The following CDH9 variants were observed in gnomAD, a reference collection of about 807,000 sequenced individuals.
The protein encoded by CDH9 is cadherin-9.
In CDH9, 28 loss-of-function variants were observed where a neutral mutation model predicts 70.9. The ratio of observed to expected loss-of-function variants is 0.40; its 90% CI spans 0.29 to 0.54. CDH9 has a LOEUF of 0.54. Among genes scored for constraint, CDH9 ranks in the 20% least tolerant of loss-of-function variants. The pLI is 0.59. For missense variants in CDH9, 874 were observed against 984.4 expected (o/e 0.89, Z 1.50); for synonymous variants, 409 against 343.1 (o/e 1.19, Z -2.12).
intron 1 of CDH9, among the ~76,000 whole-genome samples, chr5:27,001,221 C>A (rs1319220961): frequency 6.6e-6 from 1 of 152,002 alleles, no homozygotes; most frequent in African/African-American, 2.4e-5. Flanking sequence ...TATGAAACAA[C>A]CTCAGTGAAG....
rs1259636127 is a variant in CDH9, at chr5:26,924,273, T to C, written c.229-8349A>G. Among the ~76,000 whole-genome samples the C allele has an allele frequency of 2.0e-5, 3 of 151,924 alleles. No individual in the cohort carries two copies. In the East Asian group the frequency reaches 5.8e-4, roughly 29 times the overall value. ...ATTACAGGTTCTAAGAGCAATTATG[T>C]GCCAATAAATTGGAAAACCTAGAAG... On this transcript the variant is annotated intron_variant, in intron 2 of 11. Coordinates refer to ENST00000231021, the MANE Select transcript of CDH9 (RefSeq NM_016279.4).
chr5:27,016,563 A>G (rs1055738840), intron 1 of CDH9, among the ~76,000 whole-genome samples: 2 of 151,860 alleles, frequency 1.3e-5, no homozygotes, highest in Non-Finnish European at 2.9e-5. Flanking sequence ...TCAGAATCTG[A>G]GAATTTAGTT....
chr5:27,012,536 A>G (rs1017323197), intron 1 of CDH9, among the ~76,000 whole-genome samples: 3 of 152,042 alleles, frequency 2.0e-5, no homozygotes, highest in Non-Finnish European at 4.4e-5. Context: ...AAATGTTACT[A>G]TAGCAATCAC....
chr5:26,922,253 T>C (rs1741258546), intron 2 of CDH9, among the ~76,000 whole-genome samples: 1 of 151,856 alleles, frequency 6.6e-6, no homozygotes, highest in African/African-American at 2.4e-5. Flanking sequence ...ACAAAGCAGA[T>C]TTAACCCAAA....
At chr5:26,927,614 C>A (rs1359325082) in intron 2 of CDH9, among the ~76,000 whole-genome samples, 1 of 151,926 alleles carries the variant, frequency 6.6e-6, no homozygotes, top group African/African-American at 2.4e-5. Flanking sequence ...GTAATAAAAA[C>A]CAATCAGCTA....
At chr5:27,003,597 A>C (rs529769216) in intron 1 of CDH9, among the ~76,000 whole-genome samples, 3 of 152,192 alleles carry the variant, frequency 2.0e-5, no homozygotes, top group Non-Finnish European at 2.9e-5. Flanking sequence ...AGCTCAGTGA[A>C]AACAAAACAA....
chr5:26,963,898 C>G (rs79791911), intron 2 of CDH9, among the ~76,000 whole-genome samples: 4,969 of 152,100 alleles, frequency 0.033, 105 homozygotes, highest in Non-Finnish European at 0.05. Flanking sequence ...GTTTGAAAAG[C>G]TTTCACAAGA....
intron 1 of CDH9, among the ~76,000 whole-genome samples, chr5:27,037,904 C>T (rs572500219): frequency 6.6e-6 from 1 of 151,994 alleles, no homozygotes; most frequent in Admixed American, 6.6e-5. Flanking sequence ...TCACCTTAAT[C>T]CTGACATCCA....
At chr5:26,884,937 G>A (rs1740535554) in intron 11 of CDH9, among the ~76,000 whole-genome samples, 1 of 152,094 alleles carries the variant, frequency 6.6e-6, no homozygotes, top group Admixed American at 6.6e-5. Flanking sequence ...TGCAGGGCTA[G>A]GTAGGACCAC....
At position 26,971,252 on chromosome 5, in the gene CDH9, T is replaced by C. The variant is rs573152662; in HGVS notation, c.228+16854A>G. Reference sequence around the variant, plus strand: ...ACGCATTACCAGGAGTGAAATGGCATGAGAGAAAATTAGGATTCACTCATC... The same window carrying C: ...ACGCATTACCAGGAGTGAAATGGCACGAGAGAAAATTAGGATTCACTCATC... On this transcript the variant is annotated intron_variant, in intron 2 of 11. Coordinates refer to ENST00000231021, the MANE Select transcript of CDH9 (RefSeq NM_016279.4). Among the ~76,000 whole-genome samples, 283 of 152,300 alleles carry C rather than the reference T, an allele frequency of 1.9e-3. 11 individuals are homozygous for C. In the South Asian group the frequency reaches 0.058, roughly 31 times the overall value.
rs1013342098 is a variant in CDH9 at position 26,988,397 on chromosome 5, GA to G, written c.-49-16del. 9.7e-6 allele frequency: 15 copies of G among 1,552,370 alleles called. No individual in the cohort carries two copies. Among genetic ancestry groups the G allele is most frequent in the East Asian group, 6.8e-5 (3 of 44,034 alleles). On this transcript the variant is annotated splice_polypyrimidine_tract_variant and intron_variant, in intron 1 of 11. Coordinates refer to ENST00000231021, the MANE Select transcript of CDH9 (RefSeq NM_016279.4). ...GTTTGTTTTTCCTAAAGAGTAAGGA[GA>G]AAAAAAATGGCTGTATTAGCTTGAG...
chr5:27,024,009 G>A (rs1224647870), intron 1 of CDH9, among the ~76,000 whole-genome samples: 1 of 151,816 alleles, frequency 6.6e-6, no homozygotes, highest in Non-Finnish European at 1.5e-5. Context: ...CCCAGATTAT[G>A]CCACTACATT....
At chr5:26,933,014 ATATAT>A (rs566025769) in intron 2 of CDH9, among the ~76,000 whole-genome samples, 6 of 147,512 alleles carry the variant, frequency 4.1e-5, no homozygotes, top group South Asian at 2.1e-4. Flanking sequence ...TTATTTGTAA[ATATAT>A]TATATTAATG....
At position 26,885,991 on chromosome 5, in the gene CDH9, C is replaced by A; in HGVS notation, c.1605G>T (p.Pro535=). Residue 535 remains proline (P), a synonymous_variant, in exon 10 of 12, where the codon CCG becomes CCT. Transcript: ENST00000231021. ...FEPVPEFTLN[P]NFTIVDNKDN... The stretch of plus-strand genomic sequence containing the variant: ...CTTTATTATCTACAATGGTGAAATT[C>A]GGATTGAGAGTAAATTCTGGCACTG... 6.2e-7 allele frequency: 1 copy of A among 1,610,624 alleles called. No homozygotes were observed. The highest frequency in any genetic ancestry group is 1.3e-5 in the African/African-American group (1 of 74,744).
chr5:26,933,970 A>T (rs1356050482), intron 2 of CDH9, among the ~76,000 whole-genome samples: 1 of 151,580 alleles, frequency 6.6e-6, no homozygotes, highest in Non-Finnish European at 1.5e-5. Flanking sequence ...TTTATAAAGA[A>T]AAGTGGTTTC....
At chr5:27,025,834 G>T (rs570618209) in intron 1 of CDH9, among the ~76,000 whole-genome samples, 2 of 151,946 alleles carry the variant, frequency 1.3e-5, no homozygotes, top group Middle Eastern at 3.4e-3. Context: ...CCATTTAACA[G>T]AATTATATTT....
At chr5:26,957,061 T>C (rs1456589412) in intron 2 of CDH9, among the ~76,000 whole-genome samples, 1 of 151,306 alleles carries the variant, frequency 6.6e-6, no homozygotes, top group Non-Finnish European at 1.5e-5. Context: ...TGAGTATTTA[T>C]TTTTTAATTT....
chr5:26,964,063 G>T (rs563517673), intron 2 of CDH9, among the ~76,000 whole-genome samples: 2 of 152,016 alleles, frequency 1.3e-5, no homozygotes, highest in Non-Finnish European at 2.9e-5. Flanking sequence ...ATAAAAAATT[G>T]TGAAGAGTAT....
chr5:26,910,606 G>C (rs180716589), intron 3 of CDH9, among the ~76,000 whole-genome samples: 67 of 152,240 alleles, frequency 4.4e-4, no homozygotes, highest in Middle Eastern at 3.4e-3. Context: ...TAAAGAAACA[G>C]AATCACTCTA....
Sources: gnomAD v4.1 joint callset for allele counts (sites outside exome capture counted in the v4.1 genomes callset) on GRCh38, gnomAD v4.1.1 for gene constraint, MANE v1.5 for transcripts, NCBI Gene and HGNC (gene_info 2026-07-23, HGNC 2026-07-21) for gene names.